LONP2: variants seen among roughly 807,000 people sequenced by gnomAD.
LONP2 encodes lon protease homolog 2, peroxisomal.
In LONP2, 60 loss-of-function variants were observed where a neutral mutation model predicts 85.6. The ratio of observed to expected loss-of-function variants is 0.70; its 90% confidence interval spans 0.57 to 0.87. LONP2 has a LOEUF of 0.87. Ranked by LOEUF, LONP2 falls within the 40% of genes least tolerant of loss-of-function variation. The pLI, the probability that LONP2 is intolerant of heterozygous loss-of-function variation, is 0.00. For missense variants in LONP2, 860 were observed against 1,063.5 expected (o/e 0.81, Z 2.66); for synonymous variants, 395 against 389.7 (o/e 1.01, Z -0.16).
At chr16:48,247,103 C>T (rs1343973426) in intron 1 of LONP2, among the ~76,000 whole-genome samples, 1 of 152,306 alleles carries the variant, frequency 6.6e-6, no homozygotes, top group Non-Finnish European at 1.5e-5. Flanking sequence ...ATCTAGTTAT[C>T]CTAGAAGTAT....
chr16:48,358,283 G>A (rs1433598163), downstream of LONP2, among the ~76,000 whole-genome samples: 1 of 152,082 alleles, frequency 6.6e-6, no homozygotes, highest in East Asian at 1.9e-4. Context: ...GGTGTCCTCT[G>A]GAACCTCTCC....
chr16:48,282,067 T>G (rs1972339268), intron 8 of LONP2, among the ~76,000 whole-genome samples: 1 of 152,218 alleles, frequency 6.6e-6, no homozygotes. Flanking sequence ...TGTTTTATTG[T>G]GTTGTGCTTC....
Position 48,244,394 on chromosome 16 carries a change from A to G in LONP2, c.6A>G (p.Ser2=). 2 of 1,548,590 alleles carry G rather than the reference A, an allele frequency of 1.3e-6. No homozygotes were observed. Among genetic ancestry groups the G allele is most frequent in the Non-Finnish European group, 1.7e-6 (2 of 1,152,386 alleles). M[S]SVSPIQIPSR... is the part of the protein sequence containing the mutation. Reference sequence around the variant, plus strand: ...CAGTGCGAAAGGCTGCCAGCATGTCATCAGTGAGCCCCATCCAGATCCCCA... The same window carrying G: ...CAGTGCGAAAGGCTGCCAGCATGTCGTCAGTGAGCCCCATCCAGATCCCCA... Residue 2 remains serine (S), a synonymous_variant, in exon 1 of 15, where the codon TCA becomes TCG. Transcript: ENST00000285737.
chr16:48,334,772 G>A (rs1959589564), intron 12 of LONP2: 1 of 553,304 alleles, frequency 1.8e-6, no homozygotes, highest in African/African-American at 1.9e-5. Context: ...TTGAATTTTG[G>A]CTTTGACATT....
intron 8 of LONP2, among the ~76,000 whole-genome samples, chr16:48,282,137 AGT>A (rs1013280121): frequency 6.6e-6 from 1 of 152,108 alleles, no homozygotes; most frequent in Non-Finnish European, 1.5e-5. Flanking sequence ...GGCCAGGCAC[AGT>A]GGCTCACGCC....
chr16:48,321,896 A>G (rs549548379), intron 11 of LONP2, among the ~76,000 whole-genome samples: 140 of 152,026 alleles, frequency 9.2e-4, no homozygotes, highest in Admixed American at 3.9e-3. Flanking sequence ...ATATACTACT[A>G]TAGACTTATT....
At position 48,348,276 on chromosome 16, in the gene LONP2, G is replaced by C; in HGVS notation, c.2323G>C (p.Gly775Arg). The stretch of plus-strand genomic sequence containing the variant: ...CATGACTGGAGAAATTACACTGAGA[G>C]GTCTTGTTCTTCCAGTAAGTATGAA... ...VAMTGEITLRGLVLPVGGIKD... is the reference protein window; with the variant it reads ...VAMTGEITLRRLVLPVGGIKD... Residue 775 changes from glycine to arginine, a missense_variant, in exon 14 of 15, where the codon GGT becomes CGT. Gly to Arg is a moderately radical substitution (Grantham distance 125, BLOSUM62 -2). Coordinates refer to ENST00000285737, the MANE Select transcript of LONP2 (RefSeq NM_031490.5). 6.7e-7 allele frequency: 1 copy of C among 1,484,396 alleles called. No homozygotes were observed. 92.0% of individuals were successfully genotyped at this position (1,484,396 alleles called of 1,614,324 possible).
chr16:48,244,856 C>T (rs1971264452), intron 1 of LONP2, among the ~76,000 whole-genome samples: 3 of 152,238 alleles, frequency 2.0e-5, no homozygotes, highest in African/African-American at 4.8e-5. Context: ...ACGCAGTTCC[C>T]TACCGTTCTG....
chr16:48,259,641 G>A (rs1036577817), intron 4 of LONP2, among the ~76,000 whole-genome samples: 6 of 152,202 alleles, frequency 3.9e-5, no homozygotes, highest in Non-Finnish European at 7.3e-5. Context: ...TAGAGAAAGC[G>A]GAGCAGAAGG....
chr16:48,250,641 G>A (rs1395869196), intron 1 of LONP2, among the ~76,000 whole-genome samples: 1 of 152,092 alleles, frequency 6.6e-6, no homozygotes, highest in Admixed American at 6.5e-5. Flanking sequence ...CTTTAGGCCG[G>A]GGATCCAGTT....
At chr16:48,329,768 C>G (rs983450304) in intron 11 of LONP2, among the ~76,000 whole-genome samples, 1 of 152,186 alleles carries the variant, frequency 6.6e-6, no homozygotes, top group African/African-American at 2.4e-5. Flanking sequence ...AATTTTCTCA[C>G]ATTACTTGAA....
chr16:48,361,991 G>A, downstream of LONP2: 1 of 1,614,088 alleles, frequency 6.2e-7, no homozygotes, highest in South Asian at 1.1e-5. Context: ...GCATCAGATG[G>A]GGCATTACAG....
rs1458363016 is a variant in LONP2 at position 48,355,421 on chromosome 16, T to C, written c.*3619T>C. 6.6e-6 allele frequency: 1 copy of C among 152,184 alleles called. No homozygotes were observed. The highest frequency in any genetic ancestry group is 1.5e-5 in the Non-Finnish European group (1 of 68,032). The allele number at this position is 152,184 out of a possible 1,614,324, so 9.4% of individuals were successfully genotyped here. A position where few individuals can be genotyped will look rare whatever the true frequency, so the allele number is the denominator to read the frequency against. The stretch of plus-strand genomic sequence containing the variant: ...CTAGAAGCTGAGACTGGGCCCTCAA[T>C]AGATGATACCAGTCTGCCAGCACGC... On this transcript the variant is annotated 3_prime_UTR_variant, in exon 15 of 15. Transcript: ENST00000285737.
intron 11 of LONP2, among the ~76,000 whole-genome samples, chr16:48,303,675 G>A (rs1004808014): frequency 3.3e-5 from 5 of 152,146 alleles, no homozygotes; most frequent in Admixed American, 2.0e-4. Context: ...AGGCCGAGGA[G>A]CAAGGAAGCC....
chr16:48,267,036 G>T (rs1972004427), intron 6 of LONP2, among the ~76,000 whole-genome samples: 1 of 152,150 alleles, frequency 6.6e-6, no homozygotes, highest in African/African-American at 2.4e-5. Flanking sequence ...TGTAATGTTT[G>T]CATGTCGTGA....
chr16:48,322,267 A>C (rs1422223247), intron 11 of LONP2, among the ~76,000 whole-genome samples: 1 of 152,060 alleles, frequency 6.6e-6, no homozygotes, highest in Non-Finnish European at 1.5e-5. Context: ...ATTTTTCACA[A>C]AAAAAAATTC....
Position 48,252,217 on chromosome 16 carries a change from GT to G in LONP2, c.323del (p.Phe108SerfsTer7), listed in dbSNP as rs1305227224. 2.5e-6 allele frequency: 4 copies of G among 1,613,976 alleles called. No homozygotes were observed. The highest frequency in any genetic ancestry group is 2.5e-6 in the Non-Finnish European group (3 of 1,179,982). On this transcript the variant is annotated frameshift_variant, in exon 2 of 15. Coordinates refer to ENST00000285737, the MANE Select transcript of LONP2 (RefSeq NM_031490.5). LOFTEE classifies it high-confidence loss of function. ...ACTCTGTTGATTACAGGCCTATGCC[GT>G]TTCCAGATTGTACAGGTCTTAAAAG... is the stretch of plus-strand genomic sequence containing the variant. Reference protein sequence around the residue: ...HYTLLITGLCRFQIVQVLKEK... With the variant: ...HYTLLITGLCXFQIVQVLKEK...
rs8053839 is a variant in LONP2 at position 48,356,601 on chromosome 16, G to T, written c.*4799G>T. On this transcript the variant is annotated 3_prime_UTR_variant, in exon 15 of 15. Coordinates refer to ENST00000285737, the MANE Select transcript of LONP2 (RefSeq NM_031490.5). ...ACACTAATGCTCATTTTTTTTGTTT[G>T]TTTTACAAACATTTGGTGGATACCA... The T allele has an allele frequency of 0.41, 99,786 of 242,626 alleles. 23,969 individuals carry two copies. Among genetic ancestry groups the T allele is most frequent in the Non-Finnish European group, 0.55 (65,093 of 119,054 alleles). The allele number at this position is 242,626 out of a possible 1,614,324, so 15.0% of individuals were successfully genotyped here. A position where few individuals can be genotyped will look rare whatever the true frequency, so the allele number is the denominator to read the frequency against.
downstream of LONP2, among the ~76,000 whole-genome samples, chr16:48,359,804 T>C (rs769857814): frequency 3.9e-5 from 6 of 152,012 alleles, no homozygotes; most frequent in South Asian, 2.1e-4. Flanking sequence ...TTTCTGAAAA[T>C]GGATAACAGA....
Sources: gnomAD v4.1 joint callset for allele counts (sites outside exome capture counted in the v4.1 genomes callset) on GRCh38, gnomAD v4.1.1 for gene constraint, MANE v1.5 for transcripts, NCBI Gene and HGNC (gene_info 2026-07-23, HGNC 2026-07-21) for gene names.